TTC28: variants seen among roughly 807,000 people sequenced by gnomAD.
TTC28 encodes the protein tetratricopeptide repeat domain 28.
A neutral mutation model predicts 198.0 loss-of-function variants in TTC28; 61 were observed. The ratio of observed to expected loss-of-function variants is 0.31; its 90% confidence interval spans 0.25 to 0.38. The LOEUF (loss-of-function observed/expected upper bound fraction) is 0.38, where lower values mean the gene tolerates loss of function less well. Among genes scored for constraint, TTC28 ranks in the 10% least tolerant of loss-of-function variants. TTC28 has a pLI of 1.00. For missense variants in TTC28, 2,678 were observed against 3,164.0 expected (o/e 0.85, Z 3.69); for synonymous variants, 1,171 against 1,297.8 (o/e 0.90, Z 2.10).
rs1234170206 is a variant in TTC28 at position 27,989,956 on chromosome 22, C to A, written c.5629G>T (p.Ala1877Ser). 6 of 1,551,188 alleles carry A rather than the reference C, an allele frequency of 3.9e-6. No homozygotes were observed. The highest frequency in any genetic ancestry group is 3.5e-6 in the Non-Finnish European group (4 of 1,146,938). ...ATGGAGACCTGAATGGGAGCTGATG[C>A]CAAGTCCTGCTCCTTCTCGCCAGCC... ...LQAGEKEQDL[A>S]SAPIQVSISV... Residue 1877 changes from alanine (A) to serine (S), a missense_variant, in exon 21 of 23, where the codon GCA becomes TCA. Physicochemically the swap from Ala to Ser is moderately conservative, Grantham distance 99. Coordinates refer to ENST00000397906, the MANE Select transcript of TTC28 (RefSeq NM_001145418.2).
intron 2 of TTC28, among the ~76,000 whole-genome samples, chr22:28,340,702 A>G (rs1601657623): frequency 6.6e-6 from 1 of 152,182 alleles, no homozygotes. Flanking sequence ...GTAAAATGAC[A>G]AAGTACTAAT....
chr22:28,138,026 T>TTA (rs1555922027), intron 6 of TTC28, among the ~76,000 whole-genome samples: 1 of 151,326 alleles, frequency 6.6e-6, no homozygotes, highest in African/African-American at 2.4e-5. Flanking sequence ...TGTTTTTTTT[T>TTA]AAAAAAAAGG....
chr22:28,479,366 C>G (rs974681967), intron 2 of TTC28, among the ~76,000 whole-genome samples: 1 of 152,200 alleles, frequency 6.6e-6, no homozygotes, highest in Non-Finnish European at 1.5e-5. Flanking sequence ...GAAATGACTA[C>G]AAACCCGTTA....
intron 6 of TTC28, among the ~76,000 whole-genome samples, chr22:28,143,205 G>A (rs135644): frequency 0.02 from 2,987 of 152,276 alleles, 30 homozygotes; most frequent in Non-Finnish European, 0.026. Context: ...CATGGTAGGG[G>A]CTCAAAAATT....
chr22:28,589,807 AG>A (rs1462444078), intron 2 of TTC28, among the ~76,000 whole-genome samples: 11 of 152,026 alleles, frequency 7.2e-5, no homozygotes. Flanking sequence ...TGGGAGGCCA[AG>A]GCGGGTAGAT....
At position 27,998,771 on chromosome 22, in the gene TTC28, TGGACTCCTG is replaced by T. The variant is rs1937597327; in HGVS notation, c.4879_4887del (p.Gln1627_Ser1629del). 6.4e-7 allele frequency: 1 copy of T among 1,550,572 alleles called. No individual in the cohort carries two copies. The highest frequency in any genetic ancestry group is 2.0e-5 in the Admixed American group (1 of 50,994). On this transcript the variant is annotated inframe_deletion, in exon 16 of 23. Transcript: ENST00000397906. ...ACCCCGTCGGCTGTGACTTTGCTGTTGGACTCCTGGGAGGAGCCAAGCACCACCAGCTTC... is the reference window on the plus strand; with the variant it reads ...ACCCCGTCGGCTGTGACTTTGCTGTTGGAGGAGCCAAGCACCACCAGCTTC...
intron 5 of TTC28, among the ~76,000 whole-genome samples, chr22:28,166,496 C>T (rs1030120465): frequency 6.6e-6 from 1 of 152,176 alleles, no homozygotes; most frequent in Non-Finnish European, 1.5e-5. Flanking sequence ...TGCAATCAAA[C>T]TAGAACTCAG....
chr22:28,184,512 C>T (rs1357398812), intron 5 of TTC28, among the ~76,000 whole-genome samples: 1 of 152,038 alleles, frequency 6.6e-6, no homozygotes, highest in African/African-American at 2.4e-5. Flanking sequence ...TAAAACAGAA[C>T]ATAATATGTT....
intron 5 of TTC28, among the ~76,000 whole-genome samples, chr22:28,266,097 ATGAACC>A (rs1024669660): frequency 2.6e-5 from 4 of 151,444 alleles, no homozygotes; most frequent in African/African-American, 9.7e-5. Context: ...GGAGAATCAC[ATGAACC>A]TGGGAGGCGG....
chr22:28,277,501 A>C (rs1569235483), intron 5 of TTC28, among the ~76,000 whole-genome samples: 1 of 152,238 alleles, frequency 6.6e-6, no homozygotes, highest in Non-Finnish European at 1.5e-5. Flanking sequence ...CAATGACAAA[A>C]ATTAAACAAA....
At chr22:28,395,985 G>A (rs2046809298) in intron 2 of TTC28, among the ~76,000 whole-genome samples, 1 of 152,116 alleles carries the variant, frequency 6.6e-6, no homozygotes, top group African/African-American at 2.4e-5. Flanking sequence ...AGGTTAAGTG[G>A]TTTGTCCAAG....
intron 2 of TTC28, among the ~76,000 whole-genome samples, chr22:28,577,457 T>C (rs2050168556): frequency 2.6e-5 from 4 of 152,080 alleles, no homozygotes; most frequent in African/African-American, 7.2e-5. Context: ...CTGGGTGAAA[T>C]GTTCTGTAAA....
intron 2 of TTC28, among the ~76,000 whole-genome samples, chr22:28,576,069 C>T (rs1293298315): frequency 1.3e-5 from 2 of 152,018 alleles, no homozygotes; most frequent in Non-Finnish European, 2.9e-5. Context: ...TTTTCCTGTT[C>T]TAGATCTAAG....
intron 2 of TTC28, among the ~76,000 whole-genome samples, chr22:28,359,254 T>G (rs1389408417): frequency 6.6e-6 from 1 of 152,214 alleles, no homozygotes; most frequent in Non-Finnish European, 1.5e-5. Context: ...CCATTACCCC[T>G]AGTGGCTATC....
chr22:28,562,043 G>A (rs1207228451), intron 2 of TTC28, among the ~76,000 whole-genome samples: 1 of 151,986 alleles, frequency 6.6e-6, no homozygotes, highest in African/African-American at 2.4e-5. Context: ...AAATACTTAT[G>A]GAATTCCCAA....
At chr22:28,428,151 CATTTT>C (rs2047378247) in intron 2 of TTC28, among the ~76,000 whole-genome samples, 1 of 150,470 alleles carries the variant, frequency 6.6e-6, no homozygotes, top group Non-Finnish European at 1.5e-5. Context: ...AGGTAGCACT[CATTTT>C]ATTAACAATC....
chr22:28,622,148 G>A (rs2051010182), intron 2 of TTC28, among the ~76,000 whole-genome samples: 3 of 152,190 alleles, frequency 2.0e-5, no homozygotes, highest in Admixed American at 2.0e-4. Context: ...CTGTAAGAAT[G>A]GTAAGCAAGG....
rs568386697 is a variant in TTC28, at chr22:28,448,992, T to C, written c.382-142349A>G. On this transcript the variant is annotated intron_variant, in intron 2 of 22. Coordinates refer to ENST00000397906, the MANE Select transcript of TTC28 (RefSeq NM_001145418.2). The stretch of plus-strand genomic sequence containing the variant: ...TTTTGCCCTTGAGGAGGCAGGAGTC[T>C]GGTGGAGGTCAAAAGAGAAGACAGG... 2.0e-5 allele frequency among the ~76,000 whole-genome samples: 3 copies of C among 152,292 alleles called. No homozygotes were observed. In the South Asian group the frequency reaches 6.2e-4, roughly 32 times the overall value.
At chr22:28,148,463 G>A (rs1050938802) in intron 6 of TTC28, among the ~76,000 whole-genome samples, 2 of 151,804 alleles carry the variant, frequency 1.3e-5, no homozygotes, top group Non-Finnish European at 2.9e-5. Context: ...AATACAAAAA[G>A]TTAGCTAGGC....
Sources: allele counts gnomAD v4.1 joint callset (sites outside exome capture counted in the v4.1 genomes callset), GRCh38; gene constraint gnomAD v4.1.1; transcripts MANE v1.5; gene names NCBI Gene and HGNC (gene_info 2026-07-23, HGNC 2026-07-21).